Variants in EXOC4 observed in about 807,000 individuals in gnomAD.
EXOC4 encodes exocyst complex component 4.
A neutral mutation model predicts 107.2 loss-of-function variants in EXOC4; 71 were observed. The observed-to-expected ratio is 0.66, with a 90% CI of 0.55 to 0.81. The LOEUF (loss-of-function observed/expected upper bound fraction) is 0.81, where lower values mean the gene tolerates loss of function less well. Ranked by LOEUF, EXOC4 falls within the 30% of genes least tolerant of loss-of-function variation. The pLI is 0.00. For synonymous variants in EXOC4, 456 were observed against 441.2 expected (o/e 1.03, Z -0.42); for missense variants, 1,108 against 1,189.6 (o/e 0.93, Z 1.01).
chr7:133,787,877 A>C (rs1283816261), intron 10 of EXOC4, among the ~76,000 whole-genome samples: 7 of 148,270 alleles, frequency 4.7e-5, no homozygotes, highest in African/African-American at 1.7e-4. Flanking sequence ...AGTTCAATCC[A>C]TAGCACTTGT....
chr7:133,926,367 A>G (rs188746072), intron 13 of EXOC4, among the ~76,000 whole-genome samples: 5 of 152,320 alleles, frequency 3.3e-5, no homozygotes, highest in Admixed American at 3.3e-4. Context: ...CTTTATTTTC[A>G]TTGATCATCA....
chr7:133,572,525 T>A (rs1394918044), intron 9 of EXOC4, among the ~76,000 whole-genome samples: 8 of 152,132 alleles, frequency 5.3e-5, no homozygotes, highest in South Asian at 2.1e-4. Flanking sequence ...ACAATATAAT[T>A]TTTTTTTAAA....
At chr7:133,636,225 C>T in intron 10 of EXOC4, among the ~76,000 whole-genome samples, 1 of 13,110 alleles carries the variant, frequency 7.6e-5, no homozygotes, top group East Asian at 3.7e-3. Context: ...TAATACTATA[C>T]CTCATTTCTT....
chr7:133,982,726 C>G (rs1234996801), intron 14 of EXOC4, among the ~76,000 whole-genome samples: 1 of 152,188 alleles, frequency 6.6e-6, no homozygotes, highest in African/African-American at 2.4e-5. Flanking sequence ...GGATGATCCT[C>G]CTTTCACAAG....
intron 7 of EXOC4, among the ~76,000 whole-genome samples, chr7:133,382,196 A>T (rs6977908): frequency 0.99 from 150,783 of 152,284 alleles, 74,664 homozygotes; most frequent in Middle Eastern, 1. Context: ...TGTTTAGTAG[A>T]GAAGTAAACA....
chr7:133,549,290 C>A (rs1800543496), intron 9 of EXOC4, among the ~76,000 whole-genome samples: 1 of 152,216 alleles, frequency 6.6e-6, no homozygotes, highest in Admixed American at 6.5e-5. Flanking sequence ...CCACGCCCGT[C>A]CTCTAGCTTT....
chr7:133,789,814 A>T (rs1474754203), intron 10 of EXOC4, among the ~76,000 whole-genome samples: 3 of 152,168 alleles, frequency 2.0e-5, no homozygotes, highest in Non-Finnish European at 2.9e-5. Flanking sequence ...AAGTAGTGAT[A>T]AACTTTATAT....
At chr7:133,544,257 A>G (rs188980047) in intron 9 of EXOC4, among the ~76,000 whole-genome samples, 1 of 152,148 alleles carries the variant, frequency 6.6e-6, no homozygotes, top group African/African-American at 2.4e-5. Flanking sequence ...ATAAAGTTCC[A>G]AATCTTGATA....
rs75801369 is a variant in EXOC4, at chr7:133,915,633, T to C, written c.1872-1950T>C. On this transcript the variant is annotated intron_variant, in intron 12 of 17. Coordinates refer to ENST00000253861, the MANE Select transcript of EXOC4 (RefSeq NM_021807.4). ...ACATTGAGGGGTACACCTGCAACAG[T>C]CTCTTATCTGAGGTGGTACCATGCT... is the stretch of plus-strand genomic sequence containing the variant. Among the ~76,000 whole-genome samples, 796 of 152,266 alleles carry C rather than the reference T, an allele frequency of 5.2e-3. 2 individuals are homozygous for C. Among genetic ancestry groups the C allele is most frequent in the Non-Finnish European group, 8.5e-3 (575 of 68,012 alleles).
intron 11 of EXOC4, among the ~76,000 whole-genome samples, chr7:133,827,813 G>A (rs970332710): frequency 5.9e-5 from 9 of 152,204 alleles, no homozygotes; most frequent in Non-Finnish European, 8.8e-5. Flanking sequence ...AGTCATGAGG[G>A]ACTACTGAAT....
chr7:133,689,459 G>T (rs1236822118), intron 10 of EXOC4, among the ~76,000 whole-genome samples: 2 of 152,296 alleles, frequency 1.3e-5, no homozygotes, highest in African/African-American at 4.8e-5. Flanking sequence ...TATAGCCAAG[G>T]ATATGGATGT....
At chr7:133,620,190 T>G (rs1408988725) in intron 9 of EXOC4, among the ~76,000 whole-genome samples, 9 of 151,060 alleles carry the variant, frequency 6.0e-5, no homozygotes, top group Non-Finnish European at 1.2e-4. Flanking sequence ...ACCTGGCTAG[T>G]TTTTTTTTGT....
chr7:134,023,474 G>A (rs1477760143), intron 17 of EXOC4, among the ~76,000 whole-genome samples: 1 of 151,548 alleles, frequency 6.6e-6, no homozygotes, highest in East Asian at 2.0e-4. Context: ...ACTATGAATT[G>A]AGTATTTATT....
chr7:133,575,547 A>T (rs927747605), intron 9 of EXOC4, among the ~76,000 whole-genome samples: 1 of 152,194 alleles, frequency 6.6e-6, no homozygotes. Context: ...TGATGGTAGG[A>T]TAGGGTAATG....
chr7:133,859,481 TGCA>T (rs1311297665), intron 11 of EXOC4, among the ~76,000 whole-genome samples: 16 of 152,334 alleles, frequency 1.1e-4, no homozygotes, highest in African/African-American at 3.6e-4. Context: ...CTGGAACTGC[TGCA>T]GCGCCTGGCT....
intron 14 of EXOC4, among the ~76,000 whole-genome samples, chr7:133,969,232 C>T (rs1801143958): frequency 6.6e-6 from 1 of 152,120 alleles, no homozygotes; most frequent in South Asian, 2.1e-4. Context: ...TTCTAGTTAG[C>T]AATTCCTCTA....
chr7:133,350,852 T>G (rs888284024), intron 5 of EXOC4, among the ~76,000 whole-genome samples: 1 of 152,016 alleles, frequency 6.6e-6, no homozygotes, highest in East Asian at 1.9e-4. Context: ...ATTTATTTGT[T>G]TCCATTAATT....
intron 10 of EXOC4, among the ~76,000 whole-genome samples, chr7:133,728,864 C>T (rs1327462125): frequency 6.6e-6 from 1 of 152,168 alleles, no homozygotes; most frequent in Non-Finnish European, 1.5e-5. Flanking sequence ...CAGAACTCTC[C>T]ACCTTTTGAG....
the EXOC4 span, among the ~76,000 whole-genome samples, chr7:134,099,938 C>T: frequency 4.0e-5 from 6 of 151,624 alleles, no homozygotes; most frequent in African/African-American, 1.2e-4. Context: ...AACTGCTGAC[C>T]GTAGGTGACC....
Sources: allele counts gnomAD v4.1 joint callset (sites outside exome capture counted in the v4.1 genomes callset), GRCh38; gene constraint gnomAD v4.1.1; transcripts MANE v1.5; gene names NCBI Gene and HGNC (gene_info 2026-07-23, HGNC 2026-07-21).